Variants in GPM6A observed in about 807,000 individuals in gnomAD.
GPM6A encodes glycoprotein M6A.
GPM6A carries 7 observed loss-of-function variants against 32.1 expected under a neutral mutation model. The ratio of observed to expected loss-of-function variants is 0.22; its 90% CI spans 0.12 to 0.41. The LOEUF is 0.41. GPM6A is among the 10% of genes least tolerant of loss of function. GPM6A has a pLI of 1.00. For missense variants in GPM6A, 235 were observed against 347.2 expected (o/e 0.68, Z 2.57); for synonymous variants, 130 against 123.4 (o/e 1.05, Z -0.35).
intron 1 of GPM6A, among the ~76,000 whole-genome samples, chr4:175,722,445 A>G (rs1258112671): frequency 6.6e-6 from 1 of 152,120 alleles, no homozygotes; most frequent in African/African-American, 2.4e-5. Flanking sequence ...GCTGAAACTC[A>G]TTTTGCAATC....
intron 1 of GPM6A, among the ~76,000 whole-genome samples, chr4:175,785,588 T>C (rs2111262160): frequency 6.6e-6 from 1 of 152,324 alleles, no homozygotes; most frequent in South Asian, 2.1e-4. Flanking sequence ...ATTATTCTTT[T>C]AAACCCTTTC....
chr4:175,950,986 T>TCC (rs1739789956), intron 1 of GPM6A, among the ~76,000 whole-genome samples: 1 of 151,422 alleles, frequency 6.6e-6, no homozygotes, highest in African/African-American at 2.4e-5. Flanking sequence ...CTTTTTTTTT[T>TCC]CTCCCATGAA....
At chr4:175,728,853 G>A (rs890445832) in intron 1 of GPM6A, among the ~76,000 whole-genome samples, 2 of 152,102 alleles carry the variant, frequency 1.3e-5, no homozygotes, top group South Asian at 2.1e-4. Flanking sequence ...TGCTACTGAG[G>A]CAAGTGCAGG....
intron 1 of GPM6A, among the ~76,000 whole-genome samples, chr4:175,989,371 A>G (rs1741070411): frequency 6.6e-6 from 1 of 152,172 alleles, no homozygotes; most frequent in Non-Finnish European, 1.5e-5. Context: ...AGAAAGGGGA[A>G]AAATAGGGGG....
At chr4:175,785,393 C>T (rs1050060028) in intron 1 of GPM6A, among the ~76,000 whole-genome samples, 2 of 152,150 alleles carry the variant, frequency 1.3e-5, no homozygotes, top group African/African-American at 4.8e-5. Context: ...TCAGACAACC[C>T]ACATAACTGT....
chr4:175,916,935 G>A (rs757271434), intron 1 of GPM6A, among the ~76,000 whole-genome samples: 1 of 152,174 alleles, frequency 6.6e-6, no homozygotes, highest in African/African-American at 2.4e-5. Context: ...TTTAAGTTAT[G>A]AAACATCTTT....
chr4:175,995,376 TAAAAAAAA>T (rs10541049), intron 1 of GPM6A, among the ~76,000 whole-genome samples: 2 of 96,304 alleles, frequency 2.1e-5, no homozygotes, highest in Admixed American at 1.2e-4. Context: ...TTTCAATTTG[TAAAAAAAA>T]AAAAAAAAAA....
chr4:175,811,921 T>A (rs2111331370), intron 1 of GPM6A: 1 of 295,402 alleles, frequency 3.4e-6, no homozygotes, highest in South Asian at 1.4e-4. Flanking sequence ...TAACAAAGAC[T>A]GGTCTAAGGA....
At chr4:175,949,468 A>T (rs1739730259) in intron 1 of GPM6A, among the ~76,000 whole-genome samples, 1 of 152,146 alleles carries the variant, frequency 6.6e-6, no homozygotes, top group Admixed American at 6.6e-5. Context: ...CCTGACCAAA[A>T]GTCAAAGTAA....
chr4:175,966,631 C>CCT (rs1740343548), intron 1 of GPM6A, among the ~76,000 whole-genome samples: 1 of 151,464 alleles, frequency 6.6e-6, no homozygotes, highest in Non-Finnish European at 1.5e-5. Context: ...AGAAGACCAC[C>CCT]CTCTCTAAAT....
chr4:175,643,294 T>G (rs1248177811), intron 4 of GPM6A, among the ~76,000 whole-genome samples: 1 of 152,162 alleles, frequency 6.6e-6, no homozygotes, highest in Non-Finnish European at 1.5e-5. Context: ...GTAATGACTC[T>G]CTACTCCCCT....
intron 1 of GPM6A, among the ~76,000 whole-genome samples, chr4:175,736,772 A>C (rs1407707824): frequency 6.6e-6 from 1 of 152,258 alleles, no homozygotes; most frequent in Non-Finnish European, 1.5e-5. Flanking sequence ...TATTGCATTG[A>C]TGCAGAGCGT....
intron 1 of GPM6A, among the ~76,000 whole-genome samples, chr4:175,888,639 T>C (rs943257679): frequency 6.6e-5 from 10 of 152,082 alleles, no homozygotes; most frequent in Admixed American, 5.9e-4. Context: ...TCTAAAACAA[T>C]CTGTAAGACT....
At chr4:175,950,708 CACTT>C (rs1267046037) in intron 1 of GPM6A, among the ~76,000 whole-genome samples, 3 of 152,122 alleles carry the variant, frequency 2.0e-5, no homozygotes, top group African/African-American at 7.2e-5. Flanking sequence ...ACAAAGTCCT[CACTT>C]ACATTTAGAG....
At chr4:175,637,722 TA>T (rs1263041812) in intron 6 of GPM6A, among the ~76,000 whole-genome samples, 2 of 71,046 alleles carry the variant, frequency 2.8e-5, no homozygotes, top group East Asian at 3.3e-4. Context: ...TATTTATATA[TA>T]ATATATTATA....
At chr4:175,796,507 A>G (rs1358520964) in intron 1 of GPM6A, among the ~76,000 whole-genome samples, 2 of 152,206 alleles carry the variant, frequency 1.3e-5, no homozygotes, top group African/African-American at 2.4e-5. Flanking sequence ...GCCTAAAAAC[A>G]CAACCAGTAT....
chr4:175,785,984 G>A (rs1413885074), intron 1 of GPM6A, among the ~76,000 whole-genome samples: 1 of 151,650 alleles, frequency 6.6e-6, no homozygotes, highest in Admixed American at 6.6e-5. Flanking sequence ...TAAACACTTC[G>A]ATAGAGAAAA....
chr4:175,860,887 CTT>C (rs1736554008), intron 1 of GPM6A, among the ~76,000 whole-genome samples: 1 of 152,092 alleles, frequency 6.6e-6, no homozygotes, highest in African/African-American at 2.4e-5. Context: ...TAAGGCTACT[CTT>C]TATGTGTAAA....
intron 1 of GPM6A, among the ~76,000 whole-genome samples, chr4:175,897,202 G>A (rs1737821564): frequency 6.6e-6 from 1 of 152,064 alleles, no homozygotes. Context: ...TGATGCTTGT[G>A]GTGTCCAGGG....
Sources: allele counts gnomAD v4.1 joint callset (sites outside exome capture counted in the v4.1 genomes callset), GRCh38; gene constraint gnomAD v4.1.1; transcripts MANE v1.5; gene names NCBI Gene and HGNC (gene_info 2026-07-23, HGNC 2026-07-21).